The following ANK3 variants were observed in gnomAD, a reference collection of about 807,000 sequenced individuals.
The protein encoded by ANK3 is ankyrin-3.
Under a neutral mutation model 370.9 loss-of-function variants are expected in ANK3, and 57 were observed. That is an observed-to-expected ratio of 0.15 (90% CI 0.12 to 0.19). ANK3 has a LOEUF of 0.19. Ranked by LOEUF, ANK3 falls within the 10% of genes least tolerant of loss-of-function variation. The pLI, the probability that ANK3 is intolerant of heterozygous loss-of-function variation, is 1.00. For missense variants in ANK3, 4,439 were observed against 5,302.1 expected (o/e 0.84, Z 5.06); for synonymous variants, 1,929 against 1,946.3 (o/e 0.99, Z 0.23).
At chr10:60,456,814 G>A (rs1019115975) in intron 2 of ANK3, among the ~76,000 whole-genome samples, 3 of 151,932 alleles carry the variant, frequency 2.0e-5, no homozygotes, top group Middle Eastern at 6.8e-3. Flanking sequence ...CTTCCAAATC[G>A]CAATCTCCAA....
intron 33 of ANK3, 81 bp downstream of exon 33, chr10:60,083,411 A>T: frequency 6.9e-7 from 1 of 1,447,036 alleles, no homozygotes; most frequent in Non-Finnish European, 9.4e-7. Flanking sequence ...AAATTAAATA[A>T]ATCATTAAAA....
chr10:60,472,083 A>G (rs906964440), intron 2 of ANK3, among the ~76,000 whole-genome samples: 4 of 152,304 alleles, frequency 2.6e-5, no homozygotes, highest in Admixed American at 2.6e-4. Context: ...AGTGGCTCTA[A>G]TTTAGCATTT....
intron 42 of ANK3, among the ~76,000 whole-genome samples, chr10:60,050,142 A>AG (rs1375954783): frequency 1.3e-5 from 2 of 152,164 alleles, no homozygotes; most frequent in Non-Finnish European, 2.9e-5. Flanking sequence ...ACCCCAACCC[A>AG]GAGAACATGT....
intron 1 of ANK3, among the ~76,000 whole-genome samples, chr10:60,707,991 C>T (rs551232155): frequency 6.6e-6 from 1 of 152,264 alleles, no homozygotes; most frequent in South Asian, 2.1e-4. Flanking sequence ...ATCCCAGGTA[C>T]TACACCCTGG....
At chr10:60,657,380 C>G (rs377408761) in intron 1 of ANK3, among the ~76,000 whole-genome samples, 1 of 152,114 alleles carries the variant, frequency 6.6e-6, no homozygotes. Flanking sequence ...GAACACCTGG[C>G]CTCAAGTGAT....
intron 16 of ANK3, 93 bp downstream of exon 16, chr10:60,196,052 G>C: frequency 9.1e-7 from 1 of 1,104,166 alleles, no homozygotes; most frequent in Non-Finnish European, 1.3e-6. Context: ...GCCTAAACTA[G>C]GAGGGTGCTC....
At chr10:60,469,944 T>C (rs1180210771) in intron 2 of ANK3, among the ~76,000 whole-genome samples, 1 of 151,894 alleles carries the variant, frequency 6.6e-6, no homozygotes, top group Non-Finnish European at 1.5e-5. Flanking sequence ...GTTAATTGAA[T>C]GGTCAAAGAT....
chr10:60,096,819 AAAT>A (rs1317493053), intron 28 of ANK3, among the ~76,000 whole-genome samples: 1 of 152,232 alleles, frequency 6.6e-6, no homozygotes, highest in African/African-American at 2.4e-5. Flanking sequence ...AGGATATTCT[AAAT>A]AACTCCACAG....
At chr10:60,102,961 T>C (rs1456456327) in intron 28 of ANK3, among the ~76,000 whole-genome samples, 1 of 152,102 alleles carries the variant, frequency 6.6e-6, no homozygotes, top group African/African-American at 2.4e-5. Flanking sequence ...ACAATTTATT[T>C]TTTTTTTTCT....
chr10:60,086,574 G>T (rs542352129), intron 30 of ANK3, 103 bp downstream of exon 30: 90 of 952,980 alleles, frequency 9.4e-5, no homozygotes, highest in Non-Finnish European at 1.3e-4. Context: ...CTCTTATAAT[G>T]TTGGCATGGA....
At chr10:60,294,699 G>T (rs925372606) in intron 1 of ANK3, among the ~76,000 whole-genome samples, 3 of 152,090 alleles carry the variant, frequency 2.0e-5, no homozygotes, top group African/African-American at 7.2e-5. Flanking sequence ...TAAAAACAAG[G>T]TTAGCTCACT....
rs538194954 is a variant in ANK3, at chr10:60,710,463, T to G, written c.57+22800A>C. On this transcript the variant is annotated intron_variant, in intron 1 of 43. Transcript: ENST00000373827. Reference sequence around the variant, plus strand: ...TTATAATAGAGTTTCCTATATTTTATGATAGTAAATGATAAAACAGACCAG... The same window carrying G: ...TTATAATAGAGTTTCCTATATTTTAGGATAGTAAATGATAAAACAGACCAG... 5.3e-5 allele frequency among the ~76,000 whole-genome samples: 8 copies of G among 152,298 alleles called. 1 individual carries two copies. In the South Asian group the frequency reaches 1.7e-3, roughly 32 times the overall value.
At chr10:60,273,856 T>C (rs1222469655) in intron 4 of ANK3, among the ~76,000 whole-genome samples, 1 of 152,188 alleles carries the variant, frequency 6.6e-6, no homozygotes, top group Non-Finnish European at 1.5e-5. Flanking sequence ...AAATGTGACT[T>C]TGCTCCTTAT....
intron 8 of ANK3, among the ~76,000 whole-genome samples, chr10:60,217,577 A>G (rs1331318726): frequency 6.6e-6 from 1 of 152,212 alleles, no homozygotes; most frequent in African/African-American, 2.4e-5. Context: ...GTTTTCAGCG[A>G]GTTTCTTAAT....
chr10:60,716,795 C>T (rs12146290), intron 1 of ANK3, among the ~76,000 whole-genome samples: 22,322 of 152,152 alleles, frequency 0.15, 2,079 homozygotes, highest in South Asian at 0.26. Context: ...GGATTACAGG[C>T]ATGAACCACT....
intron 4 of ANK3, 83 bp downstream of exon 4, chr10:60,278,691 T>C (rs966025672): frequency 3.7e-6 from 4 of 1,073,328 alleles, no homozygotes; most frequent in Non-Finnish European, 5.8e-6. Context: ...TTAGAGGATA[T>C]GTGAACTAAG....
chr10:60,088,123 G>C, intron 29 of ANK3, 24 bp downstream of exon 29: 1 of 1,607,162 alleles, frequency 6.2e-7, no homozygotes, highest in South Asian at 1.1e-5. Context: ...CATACTGAGG[G>C]AAACAACTTT....
intron 23 of ANK3, among the ~76,000 whole-genome samples, chr10:60,156,687 C>A (rs182769641): frequency 3.9e-5 from 6 of 152,318 alleles, no homozygotes; most frequent in Admixed American, 1.3e-4. Context: ...AGCTGTGTAT[C>A]AAGGAGTCTG....
chr10:60,395,626 C>T (rs61847576), intron 2 of ANK3, among the ~76,000 whole-genome samples: 1,644 of 70,480 alleles, frequency 0.023, 23 homozygotes, highest in African/African-American at 0.072. Context: ...CGTTCTCTCT[C>T]TCTCTCTCTC....
Sources: allele counts gnomAD v4.1 joint callset (sites outside exome capture counted in the v4.1 genomes callset), GRCh38; gene constraint gnomAD v4.1.1; transcripts MANE v1.5; gene names NCBI Gene and HGNC (gene_info 2026-07-23, HGNC 2026-07-21).